RALYL: variants seen among roughly 807,000 people sequenced by gnomAD.
RALYL encodes RNA-binding Raly-like protein.
RALYL carries 29 observed loss-of-function variants against 35.1 expected under a neutral mutation model. That is an observed-to-expected ratio of 0.83 (90% CI 0.61 to 1.13). The LOEUF (loss-of-function observed/expected upper bound fraction) is 1.13, where lower values mean the gene tolerates loss of function less well. Ranked by LOEUF, RALYL falls within the 50% of genes most tolerant of loss-of-function variation. RALYL has a pLI of 0.00. For synonymous variants in RALYL, 120 were observed against 127.6 expected, an observed-to-expected ratio of 0.94 and a Z score of 0.40; for missense variants, 359 against 360.4, an observed-to-expected ratio of 1.00 and a Z score of 0.03.
At chr8:84,278,567 T>C (rs556598264) in intron 1 of RALYL, among the ~76,000 whole-genome samples, 2 of 152,328 alleles carry the variant, frequency 1.3e-5, no homozygotes, top group East Asian at 1.9e-4. Context: ...CAAAATTCCA[T>C]GCCTTGCTTT....
intron 1 of RALYL, among the ~76,000 whole-genome samples, chr8:84,310,227 A>G (rs776589613): frequency 4.6e-5 from 7 of 151,542 alleles, no homozygotes; most frequent in Non-Finnish European, 7.4e-5. Flanking sequence ...ATTTTTGTAG[A>G]GATGGGTTTC....
intron 5 of RALYL, among the ~76,000 whole-genome samples, chr8:84,853,919 G>A (rs1018488088): frequency 2.6e-5 from 4 of 152,100 alleles, no homozygotes; most frequent in African/African-American, 7.2e-5. Context: ...CCTCTGGGAG[G>A]TGAGCATGAA....
At chr8:84,379,134 A>G (rs1054022794) in intron 1 of RALYL, among the ~76,000 whole-genome samples, 5 of 151,976 alleles carry the variant, frequency 3.3e-5, no homozygotes, top group African/African-American at 1.2e-4. Flanking sequence ...ATTTGAGCAG[A>G]ACATTTAAAT....
chr8:84,627,766 A>T (rs2131191925), intron 2 of RALYL, among the ~76,000 whole-genome samples: 1 of 152,084 alleles, frequency 6.6e-6, no homozygotes, highest in South Asian at 2.1e-4. Flanking sequence ...GAATGATATG[A>T]CCATCCATTC....
At chr8:84,556,500 CA>C (rs199985575) in intron 2 of RALYL, among the ~76,000 whole-genome samples, 8 of 149,682 alleles carry the variant, frequency 5.3e-5, no homozygotes, top group African/African-American at 1.5e-4. Context: ...TTGTAAAAGA[CA>C]AAAAAAAATA....
At chr8:84,696,018 C>T (rs1839061373) in intron 2 of RALYL, among the ~76,000 whole-genome samples, 1 of 151,700 alleles carries the variant, frequency 6.6e-6, no homozygotes, top group African/African-American at 2.4e-5. Flanking sequence ...CTGCTATGAA[C>T]AGGATGATGA....
At chr8:84,523,172 G>T (rs929942031) in intron 1 of RALYL, among the ~76,000 whole-genome samples, 1 of 152,080 alleles carries the variant, frequency 6.6e-6, no homozygotes, top group Admixed American at 6.5e-5. Context: ...TAATGGACTC[G>T]CAGTTCCACA....
chr8:84,641,902 A>T (rs1294646244), intron 2 of RALYL, among the ~76,000 whole-genome samples: 1 of 151,966 alleles, frequency 6.6e-6, no homozygotes, highest in Non-Finnish European at 1.5e-5. Context: ...AGGCAAATAT[A>T]AAACTTATTT....
At chr8:84,418,707 G>A (rs1002084228) in intron 1 of RALYL, among the ~76,000 whole-genome samples, 15 of 152,014 alleles carry the variant, frequency 9.9e-5, no homozygotes, top group African/African-American at 2.4e-4. Flanking sequence ...AACTCTGTAC[G>A]TCATTAAAAT....
intron 1 of RALYL, among the ~76,000 whole-genome samples, chr8:84,418,593 T>C (rs2132320693): frequency 6.6e-6 from 1 of 152,238 alleles, no homozygotes; most frequent in East Asian, 1.9e-4. Context: ...ATGGCTATGT[T>C]GTCTTCTCTT....
chr8:84,451,588 T>C (rs2049479983), intron 1 of RALYL, among the ~76,000 whole-genome samples: 1 of 152,034 alleles, frequency 6.6e-6, no homozygotes, highest in Non-Finnish European at 1.5e-5. Context: ...GCTTGAATTC[T>C]TAGTAGCTGA....
chr8:84,700,768 G>A (rs1468648366), intron 2 of RALYL, among the ~76,000 whole-genome samples: 2 of 152,282 alleles, frequency 1.3e-5, no homozygotes, highest in East Asian at 3.9e-4. Context: ...GACTTGGGGC[G>A]AATGGATGTG....
intron 1 of RALYL, among the ~76,000 whole-genome samples, chr8:84,513,756 A>G (rs2057815096): frequency 6.6e-6 from 1 of 152,174 alleles, no homozygotes; most frequent in Admixed American, 6.6e-5. Flanking sequence ...TAGAAGAAAC[A>G]ACATGAATGA....
intron 2 of RALYL, among the ~76,000 whole-genome samples, chr8:84,696,252 A>T (rs546321902): frequency 6.2e-4 from 88 of 143,050 alleles, no homozygotes; most frequent in African/African-American, 1.1e-3. Flanking sequence ...GTTAAAATTT[A>T]AAAAAAAAAA....
chr8:84,200,349 A>T (rs1380178977), intron 1 of RALYL, among the ~76,000 whole-genome samples: 2 of 152,146 alleles, frequency 1.3e-5, no homozygotes, highest in Non-Finnish European at 2.9e-5. Context: ...AGCAAACGTC[A>T]TTTCAGGTAT....
chr8:84,204,046 GT>G (rs889882635), intron 1 of RALYL, among the ~76,000 whole-genome samples: 3 of 149,626 alleles, frequency 2.0e-5, no homozygotes, highest in Non-Finnish European at 4.5e-5. Flanking sequence ...AAGTTTTTTT[GT>G]TTTTTAAGCC....
At chr8:84,486,440 C>T (rs2054638262) in intron 1 of RALYL, among the ~76,000 whole-genome samples, 2 of 151,364 alleles carry the variant, frequency 1.3e-5, no homozygotes, top group Non-Finnish European at 3.0e-5. Context: ...TTCTGTTTTC[C>T]AGCTTTAACC....
chr8:84,271,658 G>T (rs1207563190), intron 1 of RALYL, among the ~76,000 whole-genome samples: 1 of 151,856 alleles, frequency 6.6e-6, no homozygotes, highest in African/African-American at 2.4e-5. Flanking sequence ...CTACCCAGCA[G>T]TAAATGGAAT....
intron 2 of RALYL, among the ~76,000 whole-genome samples, chr8:84,671,353 G>A (rs181820159): frequency 4.6e-5 from 7 of 152,224 alleles, no homozygotes; most frequent in African/African-American, 1.7e-4. Context: ...ACCATTCTGG[G>A]GTCTGGAGGA....
Sources: gnomAD v4.1 joint callset for allele counts (sites outside exome capture counted in the v4.1 genomes callset) on GRCh38, gnomAD v4.1.1 for gene constraint, MANE v1.5 for transcripts, NCBI Gene and HGNC (gene_info 2026-07-23, HGNC 2026-07-21) for gene names.